ELF2: variants seen among roughly 807,000 people sequenced by gnomAD.
The protein encoded by ELF2 is ETS-related transcription factor Elf-2.
A neutral mutation model predicts 54.8 loss-of-function variants in ELF2; 11 were observed. That is an observed-to-expected ratio of 0.20 (90% CI 0.13 to 0.33). The LOEUF (loss-of-function observed/expected upper bound fraction) is 0.33, where lower values mean the gene tolerates loss of function less well. Ranked by LOEUF, ELF2 falls within the 10% of genes least tolerant of loss-of-function variation. ELF2 has a pLI of 1.00. For missense variants in ELF2, 513 were observed against 703.0 expected (o/e 0.73, Z 3.06); for synonymous variants, 203 against 245.1 (o/e 0.83, Z 1.61).
chr4:139,156,634 T>C (rs1740576587), intron 1 of ELF2, among the ~76,000 whole-genome samples: 2 of 134,774 alleles, frequency 1.5e-5, no homozygotes, highest in Non-Finnish European at 3.3e-5. Context: ...GTTGTTGTTG[T>C]TGTTGTTGTT....
chr4:139,165,889 T>G (rs1741669717), intron 1 of ELF2, among the ~76,000 whole-genome samples: 1 of 152,160 alleles, frequency 6.6e-6, no homozygotes, highest in Non-Finnish European at 1.5e-5. Context: ...TATATAAAAC[T>G]CTTAGAAATC....
intron 2 of ELF2, among the ~76,000 whole-genome samples, chr4:139,139,005 A>C (rs1352509187): frequency 1.3e-5 from 2 of 152,212 alleles, no homozygotes; most frequent in African/African-American, 4.8e-5. Context: ...ATTTTCATAC[A>C]GAGGAAGTAC....
rs138790515 is a variant in ELF2 at position 139,110,873 on chromosome 4, CATT to C, written c.238+14288_238+14290del. ...TTCCATACTTCTATTGTAAATATTC[CATT>C]ATATCATTAATAAACAGGATAGTAA... On this transcript the variant is annotated intron_variant, in intron 4 of 9. Transcript: ENST00000686138. Among the ~76,000 whole-genome samples the C allele has an allele frequency of 7.0e-3, 1,071 of 152,212 alleles. 9 individuals carry two copies. The highest frequency in any genetic ancestry group is 0.011 in the Non-Finnish European group (763 of 68,014).
intron 1 of ELF2, among the ~76,000 whole-genome samples, chr4:139,162,009 G>C (rs1264687314): frequency 6.6e-6 from 1 of 152,082 alleles, no homozygotes. Flanking sequence ...CAGGAGAATC[G>C]CTTGAACCCG....
At chr4:139,143,683 G>A (rs747218115) in intron 1 of ELF2, among the ~76,000 whole-genome samples, 82 of 152,304 alleles carry the variant, frequency 5.4e-4, no homozygotes, top group Middle Eastern at 3.4e-3. Flanking sequence ...TACTCGGGAG[G>A]CTGAGGCAGG....
At chr4:139,121,783 A>G (rs1275122657) in intron 4 of ELF2, among the ~76,000 whole-genome samples, 1 of 152,188 alleles carries the variant, frequency 6.6e-6, no homozygotes, top group African/African-American at 2.4e-5. Context: ...AATTTACTAT[A>G]TGTTTAGATG....
At chr4:139,072,114 A>C in intron 5 of ELF2, 75 bp from the exon 6 acceptor site, 1 of 1,429,748 alleles carries the variant, frequency 7.0e-7, no homozygotes, top group Non-Finnish European at 9.6e-7. Context: ...CAATATTTAG[A>C]AGAGGCGAGG....
chr4:139,139,375 C>A, intron 2 of ELF2, 38 bp downstream of exon 2: 1 of 1,067,554 alleles, frequency 9.4e-7, no homozygotes, highest in South Asian at 4.8e-5. Context: ...GTACTATTCC[C>A]AATATATATA....
At chr4:139,150,142 C>A (rs944674463) in intron 1 of ELF2, among the ~76,000 whole-genome samples, 21 of 152,076 alleles carry the variant, frequency 1.4e-4, no homozygotes, top group Non-Finnish European at 4.4e-5. Context: ...GCATTCGAGA[C>A]CAGCCTGGCC....
chr4:139,111,523 T>TCAA (rs1348069466), intron 4 of ELF2, among the ~76,000 whole-genome samples: 1 of 149,060 alleles, frequency 6.7e-6, no homozygotes, highest in Non-Finnish European at 1.5e-5. Context: ...AGACAAGGTC[T>TCAA]CAATATAAAA....
intron 1 of ELF2, among the ~76,000 whole-genome samples, chr4:139,146,315 AC>A (rs2148875480): frequency 6.6e-6 from 1 of 152,330 alleles, no homozygotes; most frequent in South Asian, 2.1e-4. Context: ...AATATACTTA[AC>A]CAAGGGGGTG....
intron 1 of ELF2, among the ~76,000 whole-genome samples, chr4:139,174,458 A>C (rs925772339): frequency 3.3e-5 from 5 of 152,148 alleles, no homozygotes; most frequent in Admixed American, 2.6e-4. Context: ...CTGTTAATGG[A>C]TATGGGGCTC....
At chr4:139,175,526 T>C (rs1247357315) in intron 1 of ELF2, among the ~76,000 whole-genome samples, 1 of 152,196 alleles carries the variant, frequency 6.6e-6, no homozygotes, top group Non-Finnish European at 1.5e-5. Context: ...TAAATGTAAT[T>C]TAATGGTTTC....
At chr4:139,113,753 G>T (rs1181808752) in intron 4 of ELF2, among the ~76,000 whole-genome samples, 1 of 151,872 alleles carries the variant, frequency 6.6e-6, no homozygotes, top group Non-Finnish European at 1.5e-5. Flanking sequence ...TACTCAGGAT[G>T]CTGAGGCAGG....
At chr4:139,117,367 T>C (rs985099665) in intron 4 of ELF2, among the ~76,000 whole-genome samples, 15 of 152,220 alleles carry the variant, frequency 9.9e-5, no homozygotes, top group Non-Finnish European at 2.1e-4. Flanking sequence ...TTCAGTTTGC[T>C]TATTCTTTGC....
chr4:139,077,622 T>A (rs1730492577), intron 4 of ELF2, among the ~76,000 whole-genome samples: 1 of 152,128 alleles, frequency 6.6e-6, no homozygotes, highest in Non-Finnish European at 1.5e-5. Context: ...AACAGAAATT[T>A]AAGAAATATT....
intron 6 of ELF2, among the ~76,000 whole-genome samples, chr4:139,068,063 G>A (rs1728976974): frequency 6.6e-6 from 1 of 150,800 alleles, no homozygotes; most frequent in Non-Finnish European, 1.5e-5. Context: ...GTCTTGCTCT[G>A]TCGCCCAGGC....
At chr4:139,091,843 TAATAA>T (rs2148758760) in intron 4 of ELF2, among the ~76,000 whole-genome samples, 1 of 151,786 alleles carries the variant, frequency 6.6e-6, no homozygotes, top group African/African-American at 2.4e-5. Context: ...TTGAAAAGAT[TAATAA>T]AATAAACACA....
rs143426721 is a variant in ELF2, at chr4:139,097,292, T to G, written c.239-23725A>C. Reference sequence around the variant, plus strand: ...GGTTCTCCCATCTCAGCCTCCCAAGTGGGATTACAGGTGTGCACCCACACC... The same window carrying G: ...GGTTCTCCCATCTCAGCCTCCCAAGGGGGATTACAGGTGTGCACCCACACC... On this transcript the variant is annotated intron_variant, in intron 4 of 9. Coordinates refer to ENST00000686138, the MANE Select transcript of ELF2 (RefSeq NM_001331036.3). 7.8e-3 allele frequency among the ~76,000 whole-genome samples: 1,185 copies of G among 152,232 alleles called. 6 individuals are homozygous for G. The highest frequency in any genetic ancestry group is 0.01 in the Non-Finnish European group (692 of 68,006).
Sources: gnomAD v4.1 joint callset for allele counts (sites outside exome capture counted in the v4.1 genomes callset) on GRCh38, gnomAD v4.1.1 for gene constraint, MANE v1.5 for transcripts, NCBI Gene and HGNC (gene_info 2026-07-23, HGNC 2026-07-21) for gene names.